The following ARHGAP24 variants were observed in gnomAD, a reference collection of about 807,000 sequenced individuals.
ARHGAP24 encodes the protein Rho GTPase activating protein 24.
Under a neutral mutation model 76.4 loss-of-function variants are expected in ARHGAP24, and 50 were observed. The observed-to-expected ratio is 0.65, with a 90% confidence interval of 0.52 to 0.83. ARHGAP24 has a LOEUF of 0.83. Among genes scored for constraint, ARHGAP24 ranks in the 40% least tolerant of loss-of-function variants. The pLI, the probability that ARHGAP24 is intolerant of heterozygous loss-of-function variation, is 0.00. For synonymous variants in ARHGAP24, 345 were observed against 323.3 expected (o/e 1.07, Z -0.72); for missense variants, 930 against 914.2 (o/e 1.02, Z -0.22).
chr4:85,814,348 CT>C (rs1729145660), intron 3 of ARHGAP24, among the ~76,000 whole-genome samples: 2 of 152,184 alleles, frequency 1.3e-5, no homozygotes, highest in Admixed American at 1.3e-4. Flanking sequence ...AAAGTCTCAT[CT>C]GAGACAAGGC....
chr4:85,826,623 G>C (rs947374248), intron 3 of ARHGAP24, among the ~76,000 whole-genome samples: 5 of 152,176 alleles, frequency 3.3e-5, no homozygotes, highest in African/African-American at 1.2e-4. Flanking sequence ...ATAAGAGGGA[G>C]GAAATGCAGC....
intron 2 of ARHGAP24, among the ~76,000 whole-genome samples, chr4:85,716,142 G>GT (rs757796968): frequency 2.1e-4 from 31 of 150,250 alleles, no homozygotes; most frequent in Admixed American, 1.6e-3. Context: ...ACACATGCAT[G>GT]TTTTTTTTCC....
intron 2 of ARHGAP24, among the ~76,000 whole-genome samples, chr4:85,715,652 A>G (rs1724707240): frequency 6.6e-6 from 1 of 152,094 alleles, no homozygotes; most frequent in Admixed American, 6.6e-5. Flanking sequence ...TCAGGAAATT[A>G]TTATATAGCC....
intron 3 of ARHGAP24, among the ~76,000 whole-genome samples, chr4:85,908,408 G>A (rs1034196590): frequency 5.3e-5 from 8 of 152,098 alleles, no homozygotes; most frequent in Admixed American, 2.0e-4. Flanking sequence ...AGTCTTGAAA[G>A]TAAAAAAATT....
At chr4:85,605,673 A>AT (rs1720169204) in intron 2 of ARHGAP24, among the ~76,000 whole-genome samples, 2 of 152,194 alleles carry the variant, frequency 1.3e-5, no homozygotes, top group Admixed American at 1.3e-4. Flanking sequence ...ACTCTCACCT[A>AT]TTTAAAATAT....
intron 2 of ARHGAP24, among the ~76,000 whole-genome samples, chr4:85,579,954 C>G (rs1727540466): frequency 1.3e-5 from 2 of 152,108 alleles, no homozygotes; most frequent in Non-Finnish European, 1.5e-5. Context: ...GTTTTCATTT[C>G]TCTTGAGCAT....
chr4:85,682,491 T>A (rs994274794), intron 2 of ARHGAP24, among the ~76,000 whole-genome samples: 12 of 152,188 alleles, frequency 7.9e-5, no homozygotes, highest in African/African-American at 2.9e-4. Flanking sequence ...CTCTTCCAGC[T>A]CTATGGCCTT....
chr4:85,695,967 G>T (rs574295479), intron 2 of ARHGAP24, among the ~76,000 whole-genome samples: 1 of 152,220 alleles, frequency 6.6e-6, no homozygotes, highest in Admixed American at 6.5e-5. Context: ...ATTTAAGGCA[G>T]CCAGAGGTAT....
chr4:85,752,386 C>G (rs1726296645), intron 3 of ARHGAP24, among the ~76,000 whole-genome samples: 1 of 152,130 alleles, frequency 6.6e-6, no homozygotes, highest in Non-Finnish European at 1.5e-5. Context: ...GAGAGAACCC[C>G]ACAACTCCAT....
chr4:85,761,816 G>T (rs1409220919), intron 3 of ARHGAP24, among the ~76,000 whole-genome samples: 1 of 152,106 alleles, frequency 6.6e-6, no homozygotes, highest in East Asian at 1.9e-4. Context: ...TACTACAAAC[G>T]CTTTAACCTT....
At chr4:85,984,118 A>G (rs984223023) in intron 8 of ARHGAP24, among the ~76,000 whole-genome samples, 4 of 152,208 alleles carry the variant, frequency 2.6e-5, no homozygotes, top group African/African-American at 7.2e-5. Flanking sequence ...TATATACAGG[A>G]TATGTCACAG....
intron 2 of ARHGAP24, among the ~76,000 whole-genome samples, chr4:85,636,437 T>A (rs1721309825): frequency 7.3e-6 from 1 of 137,296 alleles, no homozygotes; most frequent in Non-Finnish European, 1.5e-5. Flanking sequence ...TAACCTCAAG[T>A]CATCATGTAT....
intron 3 of ARHGAP24, among the ~76,000 whole-genome samples, chr4:85,819,461 T>C (rs565502474): frequency 5.3e-5 from 8 of 152,294 alleles, no homozygotes; most frequent in African/African-American, 1.9e-4. Context: ...TTTCCACCTT[T>C]GTTGCTGATT....
intron 3 of ARHGAP24, among the ~76,000 whole-genome samples, chr4:85,759,658 T>C (rs1171596359): frequency 6.6e-6 from 1 of 152,012 alleles, no homozygotes; most frequent in Admixed American, 6.6e-5. Context: ...GGCAAGGACG[T>C]GTTAGAAAGT....
At chr4:85,921,365 G>A (rs1735711925) in intron 3 of ARHGAP24, among the ~76,000 whole-genome samples, 1 of 151,974 alleles carries the variant, frequency 6.6e-6, no homozygotes, top group Admixed American at 6.6e-5. Context: ...GGAACAACAT[G>A]CACTGACTGG....
At chr4:85,779,107 T>A in intron 3 of ARHGAP24, 1 of 610,578 alleles carries the variant, frequency 1.6e-6, no homozygotes, top group Non-Finnish European at 2.0e-6. Flanking sequence ...GCTTTTTAAC[T>A]GTATTATTTT....
At chr4:85,494,575 G>C (rs1329774378) in intron 1 of ARHGAP24, among the ~76,000 whole-genome samples, 1 of 151,568 alleles carries the variant, frequency 6.6e-6, no homozygotes, top group African/African-American at 2.4e-5. Flanking sequence ...CAGCTACCCG[G>C]GAGGCTGAGG....
intron 2 of ARHGAP24, among the ~76,000 whole-genome samples, chr4:85,651,596 A>G (rs1721946058): frequency 6.7e-6 from 1 of 148,796 alleles, no homozygotes; most frequent in African/African-American, 2.6e-5. Context: ...AAAGTTCCTC[A>G]TAATTACTAG....
chr4:85,601,071 A>G (rs1720011591), intron 2 of ARHGAP24, among the ~76,000 whole-genome samples: 1 of 152,148 alleles, frequency 6.6e-6, no homozygotes, highest in Non-Finnish European at 1.5e-5. Context: ...TTTTTACTTT[A>G]TTCATTTTTG....
Sources: gnomAD v4.1 joint callset for allele counts (sites outside exome capture counted in the v4.1 genomes callset) on GRCh38, gnomAD v4.1.1 for gene constraint, MANE v1.5 for transcripts, NCBI Gene and HGNC (gene_info 2026-07-23, HGNC 2026-07-21) for gene names.